Variants in RGP1 observed in about 807,000 individuals in gnomAD.
RGP1 encodes the protein RGP1 partner of RAB6A GEF complex, also known as RAB6A-GEF complex partner protein 2.
Under a neutral mutation model 44.5 loss-of-function variants are expected in RGP1, and 28 were observed. That is an observed-to-expected ratio of 0.63 (90% CI 0.47 to 0.86). The LOEUF is 0.86. Among genes scored for constraint, RGP1 ranks in the 40% least tolerant of loss-of-function variants. RGP1 has a pLI of 0.00. For missense variants in RGP1, 417 were observed against 490.7 expected, an observed-to-expected ratio of 0.85 and a Z score of 1.42; for synonymous variants, 212 against 196.7, an observed-to-expected ratio of 1.08 and a Z score of -0.65.
chr9:35,767,842 A>T, the RGP1 span, among the ~76,000 whole-genome samples: 1 of 152,080 alleles, frequency 6.6e-6, no homozygotes, highest in African/African-American at 2.4e-5. Context: ...GCACTCTGTC[A>T]CCCAGGCTGG....
At chr9:35,770,428 A>G in the RGP1 span, among the ~76,000 whole-genome samples, 1 of 149,490 alleles carries the variant, frequency 6.7e-6, no homozygotes, top group Non-Finnish European at 1.5e-5. Context: ...ATAGAAATGG[A>G]CTGGTGATTC....
Position 35,752,959 on chromosome 9 carries a change from G to C in RGP1, c.*85G>C. On this transcript the variant is annotated 3_prime_UTR_variant, in exon 9 of 9. Transcript: ENST00000378078. ...AATGGGACCCACTTTTTCCACCTGG[G>C]GTCCAATGTCGTGGACAGTGAGAGT... 1 of 1,535,518 alleles carries C rather than the reference G, an allele frequency of 6.5e-7. No individual in the cohort carries two copies. The highest frequency in any genetic ancestry group is 1.2e-5 in the South Asian group (1 of 85,622).
At chr9:35,774,866 T>A in the RGP1 span, among the ~76,000 whole-genome samples, 1 of 152,046 alleles carries the variant, frequency 6.6e-6, no homozygotes, top group African/African-American at 2.4e-5. Context: ...AATTCCCCTC[T>A]TTGACTCATC....
intron 5 of RGP1, 69 bp from the exon 6 acceptor site, chr9:35,751,197 T>G: frequency 2.5e-6 from 4 of 1,576,658 alleles, no homozygotes; most frequent in Non-Finnish European, 3.5e-6. Flanking sequence ...TGTTAGAATC[T>G]AAAACCCTAA....
At chr9:35,777,266 A>G in the RGP1 span, among the ~76,000 whole-genome samples, 4 of 149,582 alleles carry the variant, frequency 2.7e-5, no homozygotes, top group African/African-American at 9.9e-5. Context: ...AGTAGCTGGG[A>G]CTACAGGTGC....
In RGP1 at chr9:35,753,663, T is replaced by C; in HGVS notation, c.*789T>C. 6.2e-7 allele frequency: 1 copy of C among 1,613,490 alleles called. No homozygotes were observed. The highest frequency in any genetic ancestry group is 8.5e-7 in the Non-Finnish European group (1 of 1,179,506). ...CTGGCCATCTTTGGTCACTCACGTG[T>C]CACAGCAGCCCACGCCAACAGGATG... On this transcript the variant is annotated 3_prime_UTR_variant, in exon 9 of 9. Coordinates refer to ENST00000378078, the MANE Select transcript of RGP1 (RefSeq NM_001080496.3). The surrounding 1 kb of genome is among the most constrained non-coding windows in gnomAD (Gnocchi z 4.2).
In RGP1 at chr9:35,752,023, G is replaced by T. The variant is rs199945881; in HGVS notation, c.830G>T (p.Gly277Val). The T allele has an allele frequency of 1.2e-6, 2 of 1,609,946 alleles. No individual in the cohort carries two copies. Among genetic ancestry groups the T allele is most frequent in the East Asian group, 2.2e-5 (1 of 44,870 alleles). The change falls in exon 8 of 9, where the codon GGT becomes GTT. Residue 277 changes from glycine (G) to valine (V), a missense_variant. Gly to Val is a moderately radical substitution (Grantham distance 109, BLOSUM62 -3). Transcript: ENST00000378078. Reference sequence around the variant, plus strand: ...TACCAGCGGCGACGTGGGGCAGGGGGTGTCCCCTCTGTGTCACATGTGACT... The same window carrying T: ...TACCAGCGGCGACGTGGGGCAGGGGTTGTCCCCTCTGTGTCACATGTGACT... ...PEYQRRRGAG[G>V]VPSVSHVTHA...
chr9:35,785,921 A>G, the RGP1 span, among the ~76,000 whole-genome samples: 1 of 151,860 alleles, frequency 6.6e-6, no homozygotes, highest in Admixed American at 6.6e-5. Flanking sequence ...TAGATTAGAC[A>G]CTTCAGGCTT....
the RGP1 span, among the ~76,000 whole-genome samples, chr9:35,776,252 A>C: frequency 6.6e-6 from 1 of 151,104 alleles, no homozygotes; most frequent in Non-Finnish European, 1.5e-5. Context: ...CATATAGATC[A>C]TGCCTGTTGT....
intron 8 of RGP1, 122 bp downstream of exon 8, chr9:35,752,267 AC>A: frequency 1.0e-6 from 1 of 991,772 alleles, no homozygotes; most frequent in African/African-American, 1.7e-5. Context: ...CTAGCCTCTG[AC>A]CCGGAACAGT....
chr9:35,781,965 T>C, the RGP1 span, among the ~76,000 whole-genome samples: 1 of 150,768 alleles, frequency 6.6e-6, no homozygotes, highest in African/African-American at 2.4e-5. Context: ...AAATAAGTTA[T>C]TGTCTTTTAT....
In RGP1 at chr9:35,756,003, CTT is replaced by C. The variant is rs758890662; in HGVS notation, c.*3131_*3132del. The C allele has an allele frequency of 6.6e-6, 1 of 152,300 alleles. No homozygotes were observed. The highest frequency in any genetic ancestry group is 1.5e-5 in the Non-Finnish European group (1 of 68,098). 9.4% of individuals were successfully genotyped at this position (152,300 alleles called of 1,614,324 possible). ...TTTTCTCATCATCCTGCCAGGCTAA[CTT>C]TAAGTCTCCTGCTTTTTCTCACTTG... On this transcript the variant is annotated 3_prime_UTR_variant, in exon 9 of 9. Coordinates refer to ENST00000378078, the MANE Select transcript of RGP1 (RefSeq NM_001080496.3).
the RGP1 span, among the ~76,000 whole-genome samples, chr9:35,778,355 G>T: frequency 6.6e-6 from 1 of 152,102 alleles, no homozygotes; most frequent in African/African-American, 2.4e-5. Context: ...CTTTCATCTT[G>T]CCCTTTAGAT....
chr9:35,781,571 A>G, the RGP1 span, among the ~76,000 whole-genome samples: 1 of 152,096 alleles, frequency 6.6e-6, no homozygotes, highest in African/African-American at 2.4e-5. Context: ...GTATTCCATG[A>G]GAGAAGGAAT....
At chr9:35,770,428 AC>A in the RGP1 span, among the ~76,000 whole-genome samples, 1 of 149,490 alleles carries the variant, frequency 6.7e-6, no homozygotes, top group African/African-American at 2.5e-5. Flanking sequence ...ATAGAAATGG[AC>A]TGGTGATTCA....
At chr9:35,760,130 A>G (rs1827406319), downstream of RGP1, among the ~76,000 whole-genome samples, 1 of 151,584 alleles carries the variant, frequency 6.6e-6, no homozygotes, top group African/African-American at 2.4e-5. Context: ...TATCTCTTTA[A>G]TGAAATTCAC....
chr9:35,781,953 T>G, the RGP1 span, among the ~76,000 whole-genome samples: 1 of 151,502 alleles, frequency 6.6e-6, no homozygotes, highest in East Asian at 1.9e-4. Context: ...TACCTGTTTT[T>G]AAAATAAGTT....
Position 35,756,386 on chromosome 9 carries a change from CT to C in RGP1, c.*3516del. On this transcript the variant is annotated 3_prime_UTR_variant, in exon 9 of 9. Transcript: ENST00000378078. ...GTGCACCTCAAACTCCCTTGCTGTC[CT>C]TTTCCAAGGAGACAGCTAAGGTGGA... is the stretch of plus-strand genomic sequence containing the variant. 1 of 152,420 alleles carries C rather than the reference CT, an allele frequency of 6.6e-6. No homozygotes were observed. The highest frequency in any genetic ancestry group is 1.5e-5 in the Non-Finnish European group (1 of 68,100). The allele number at this position is 152,420 out of a possible 1,614,324, so 9.4% of individuals were successfully genotyped here.
In RGP1 at chr9:35,749,514, C is replaced by A; in HGVS notation, c.-20+106C>A. 1 of 674,268 alleles carries A rather than the reference C, an allele frequency of 1.5e-6. No homozygotes were observed. The highest frequency in any genetic ancestry group is 2.8e-6 in the Non-Finnish European group (1 of 357,754). The allele number at this position is 674,268 out of a possible 1,614,324, so 41.8% of individuals were successfully genotyped here. ...GGGGTGCCCAGGGAGAAGAACCCGTCGCACAGGGGCTGGGGTCTAGGGCCC... is the reference window on the plus strand; with the variant it reads ...GGGGTGCCCAGGGAGAAGAACCCGTAGCACAGGGGCTGGGGTCTAGGGCCC... On this transcript the variant is annotated intron_variant, in intron 1 of 8. Coordinates refer to ENST00000378078, the MANE Select transcript of RGP1 (RefSeq NM_001080496.3). This position sits in a 1 kb window ranked among gnomAD's most constrained non-coding sequence, Gnocchi z 4.4.
Sources: gnomAD v4.1 joint callset for allele counts (sites outside exome capture counted in the v4.1 genomes callset) on GRCh38, gnomAD v4.1.1 for gene constraint, Gnocchi (gnomAD v3.1) non-coding constraint, MANE v1.5 for transcripts, NCBI Gene and HGNC (gene_info 2026-07-23, HGNC 2026-07-21) for gene names.